The following ULK2 variants were observed in gnomAD, a reference collection of about 807,000 sequenced individuals.
ULK2 encodes the protein unc-51 like autophagy activating kinase 2, also known as serine/threonine-protein kinase ULK2.
A neutral mutation model predicts 127.5 loss-of-function variants in ULK2; 76 were observed. The ratio of observed to expected loss-of-function variants is 0.60; its 90% CI spans 0.50 to 0.72. The LOEUF (loss-of-function observed/expected upper bound fraction) is 0.72, where lower values mean the gene tolerates loss of function less well. Among genes scored for constraint, ULK2 ranks in the 30% least tolerant of loss-of-function variants. The probability of loss-of-function intolerance (pLI) is 0.00; values close to 1 mark genes in which losing one functional copy is unlikely to be tolerated. For missense variants in ULK2, 1,144 were observed against 1,295.9 expected (o/e 0.88, Z 1.80); for synonymous variants, 452 against 461.9 (o/e 0.98, Z 0.28).
chr17:19,817,880 A>G lies in ULK2; in HGVS notation c.925-960T>C, dbSNP rs1425237076. 2.0e-5 allele frequency among the ~76,000 whole-genome samples: 3 copies of G among 152,320 alleles called. No homozygotes were observed. In the East Asian group the frequency reaches 5.8e-4, roughly 29 times the overall value. Reference sequence around the variant, plus strand: ...TACCACTTATTTTCATGTGTGTGACATGCACTTGACACAATCTCTCCTTAT... The same window carrying G: ...TACCACTTATTTTCATGTGTGTGACGTGCACTTGACACAATCTCTCCTTAT... On this transcript the variant is annotated intron_variant, in intron 12 of 26. Coordinates refer to ENST00000395544, the MANE Select transcript of ULK2 (RefSeq NM_014683.4).
intron 6 of ULK2, among the ~76,000 whole-genome samples, chr17:19,846,198 C>A (rs1324272091): frequency 6.6e-6 from 1 of 152,072 alleles, no homozygotes; most frequent in Admixed American, 6.6e-5. Flanking sequence ...ATTTTCCTCT[C>A]GAGAGACGCA....
At chr17:19,831,645 T>G (rs1434192794) in intron 10 of ULK2, among the ~76,000 whole-genome samples, 1 of 151,968 alleles carries the variant, frequency 6.6e-6, no homozygotes, top group African/African-American at 2.4e-5. Context: ...GCCAACATGG[T>G]GAAGCCCCGT....
rs1319774934 is a variant in ULK2, at chr17:19,773,230, T to C, written c.*3119A>G. The C allele has an allele frequency of 2.0e-5, 3 of 152,242 alleles. No individual in the cohort carries two copies. Among genetic ancestry groups the C allele is most frequent in the Admixed American group, 6.5e-5 (1 of 15,274 alleles). The allele number at this position is 152,242 out of a possible 1,614,324, so 9.4% of individuals were successfully genotyped here. ...AGGCAGAGGTTGCAGTGAGCCAAGA[T>C]TGCGCCAATGCACTCCAGCCTGGGC... On this transcript the variant is annotated 3_prime_UTR_variant, in exon 27 of 27. Transcript: ENST00000395544.
At chr17:19,825,999 A>AT (rs60573446) in intron 11 of ULK2, 140 bp downstream of exon 11, 61,295 of 172,264 alleles carry the variant, frequency 0.36, 11,835 homozygotes, top group Middle Eastern at 0.5. Context: ...AAAAAAAAAA[A>AT]AAAAATAAAT....
intron 20 of ULK2, among the ~76,000 whole-genome samples, chr17:19,788,789 T>C (rs1284012293): frequency 6.6e-6 from 1 of 152,092 alleles, no homozygotes; most frequent in African/African-American, 2.4e-5. Flanking sequence ...TTAACATCAG[T>C]GGTGGCCTGG....
intron 9 of ULK2, among the ~76,000 whole-genome samples, chr17:19,840,673 T>A (rs2041725916): frequency 1.3e-5 from 2 of 148,548 alleles, no homozygotes; most frequent in African/African-American, 5.0e-5. Context: ...GGTCAGGAGT[T>A]CAAGACCAGC....
At chr17:19,867,061 C>A (rs1055891838) in intron 1 of ULK2, among the ~76,000 whole-genome samples, 1 of 152,180 alleles carries the variant, frequency 6.6e-6, no homozygotes, top group Non-Finnish European at 1.5e-5. Flanking sequence ...TGGGTGCAAA[C>A]GCTCCTGCGG....
At position 19,780,461 on chromosome 17, in the gene ULK2, G is replaced by C. The variant is rs2086895422; in HGVS notation, c.2916+11C>G. On this transcript the variant is annotated intron_variant, in intron 25 of 26. Transcript: ENST00000395544. Reference sequence around the variant, plus strand: ...TAGTACTATACAATATTAAACCTTAGAAAGGGTTACCATTTCTACAGCACA... The same window carrying C: ...TAGTACTATACAATATTAAACCTTACAAAGGGTTACCATTTCTACAGCACA... The C allele has an allele frequency of 6.2e-7, 1 of 1,603,934 alleles. No individual in the cohort carries two copies. Among genetic ancestry groups the C allele is most frequent in the Non-Finnish European group, 8.5e-7 (1 of 1,175,974 alleles).
At chr17:19,848,680 G>C (rs1280120010) in intron 5 of ULK2, among the ~76,000 whole-genome samples, 1 of 152,070 alleles carries the variant, frequency 6.6e-6, no homozygotes, top group Non-Finnish European at 1.5e-5. Context: ...GGGAGGCTGA[G>C]GCAGGAGAAT....
intron 14 of ULK2, among the ~76,000 whole-genome samples, chr17:19,809,974 A>G (rs1263534494): frequency 2.6e-5 from 4 of 151,814 alleles, no homozygotes; most frequent in Non-Finnish European, 4.4e-5. Flanking sequence ...GCTCACGCCT[A>G]TAATCCCAGC....
In ULK2 at chr17:19,867,653, G is replaced by T. The variant is rs1235583728; in HGVS notation, c.-236C>A. Reference sequence around the variant, plus strand: ...GCCCCTGCCGCTCATGGCCCGGCCTGCCGCCGGCCGCTGGCTGTCTGGCGA... The same window carrying T: ...GCCCCTGCCGCTCATGGCCCGGCCTTCCGCCGGCCGCTGGCTGTCTGGCGA... On this transcript the variant is annotated 5_prime_UTR_variant, in exon 1 of 27. Coordinates refer to ENST00000395544, the MANE Select transcript of ULK2 (RefSeq NM_014683.4). 2.9e-5 allele frequency: 7 copies of T among 243,464 alleles called. No homozygotes were observed. Among genetic ancestry groups the T allele is most frequent in the Non-Finnish European group, 5.4e-5 (7 of 128,770 alleles). The allele number at this position is 243,464 out of a possible 1,614,324, so 15.1% of individuals were successfully genotyped here.
chr17:19,830,954 G>A (rs1292438392), intron 10 of ULK2, among the ~76,000 whole-genome samples: 5 of 150,000 alleles, frequency 3.3e-5, no homozygotes, highest in Non-Finnish European at 7.4e-5. Context: ...TTGAACCCCG[G>A]AAGTGGAGGT....
chr17:19,791,846 A>C (rs1186859910), intron 20 of ULK2, among the ~76,000 whole-genome samples: 1 of 120,500 alleles, frequency 8.3e-6, no homozygotes, highest in African/African-American at 4.7e-5. Context: ...CCTGTTTACA[A>C]AAAAAAAAAA....
intron 13 of ULK2, among the ~76,000 whole-genome samples, chr17:19,815,175 G>T (rs889462391): frequency 1.3e-5 from 2 of 152,118 alleles, no homozygotes; most frequent in African/African-American, 4.8e-5. Flanking sequence ...GCAGAAATAT[G>T]AAATCTACAG....
At chr17:19,809,775 C>T (rs2087592573) in intron 14 of ULK2, among the ~76,000 whole-genome samples, 1 of 148,302 alleles carries the variant, frequency 6.7e-6, no homozygotes. Flanking sequence ...TATGGTGGCA[C>T]ATGCCTGTAA....
intron 10 of ULK2, 29 bp from the exon 11 acceptor site, chr17:19,826,215 T>C: frequency 7.5e-7 from 1 of 1,339,464 alleles, no homozygotes; most frequent in Non-Finnish European, 1.0e-6. Context: ...ATGCAACCTT[T>C]AAAGAGACAT....
chr17:19,817,234 C>G (rs756629101), intron 12 of ULK2, among the ~76,000 whole-genome samples: 5 of 152,184 alleles, frequency 3.3e-5, no homozygotes, highest in Admixed American at 6.5e-5. Flanking sequence ...CAACATCCCC[C>G]GGTTCTAGCT....
intron 20 of ULK2, among the ~76,000 whole-genome samples, chr17:19,791,183 G>A (rs928476948): frequency 3.3e-5 from 5 of 152,210 alleles, no homozygotes. Context: ...CCCAATGGCT[G>A]CAGAATATAC....
intron 20 of ULK2, among the ~76,000 whole-genome samples, chr17:19,788,757 T>G (rs1212325736): frequency 1.3e-5 from 2 of 152,114 alleles, no homozygotes; most frequent in African/African-American, 2.4e-5. Context: ...ACATGCTGAC[T>G]GAAGAGCCCT....
Sources: allele counts gnomAD v4.1 joint callset (sites outside exome capture counted in the v4.1 genomes callset), GRCh38; gene constraint gnomAD v4.1.1; transcripts MANE v1.5; gene names NCBI Gene and HGNC (gene_info 2026-07-23, HGNC 2026-07-21).